EIF1AY: variants seen among roughly 807,000 people sequenced by gnomAD.
The protein encoded by EIF1AY is eukaryotic translation initiation factor 1A Y-linked.
For missense variants in EIF1AY, 19 were observed against 30.6 expected (o/e 0.62, Z 0.89); for synonymous variants, 16 against 9.9 (o/e 1.62, Z -1.16).
intron 2 of EIF1AY, among the ~76,000 whole-genome samples, chrY:20,581,766 CAT>C (rs2089350949): frequency 6.1e-5 from 2 of 33,040 alleles, no homozygotes; most frequent in African/African-American, 2.4e-4. Flanking sequence ...AGTTAGGCCT[CAT>C]GTGTGAGAGA....
Position 20,575,814 on chromosome Y carries a change from A to G in EIF1AY, c.-58A>G. 2.7e-6 allele frequency: 1 copy of G among 369,829 alleles called. No homozygotes were observed. The highest frequency in any genetic ancestry group is 3.8e-6 in the Non-Finnish European group (1 of 262,382). 92.3% of individuals were successfully genotyped at this position (369,829 alleles called of 400,897 possible). Reference sequence around the variant, plus strand: ...CTGCATCTTAGTTCAGTCGGCTCTTAGAGTAGTAACCGCCAGAAAGGAGTC... The same window carrying G: ...CTGCATCTTAGTTCAGTCGGCTCTTGGAGTAGTAACCGCCAGAAAGGAGTC... On this transcript the variant is annotated 5_prime_UTR_variant, in exon 1 of 7. Transcript: ENST00000361365.
At chrY:20,577,269 G>C (rs2089347356) in intron 1 of EIF1AY, among the ~76,000 whole-genome samples, 1 of 33,435 alleles carries the variant, frequency 3.0e-5, no homozygotes, top group African/African-American at 1.2e-4. Flanking sequence ...GCCTAAAAAT[G>C]TTCTCAATAA....
intron 1 of EIF1AY, among the ~76,000 whole-genome samples, chrY:20,576,720 G>T: frequency 6.0e-5 from 2 of 33,540 alleles, no homozygotes; most frequent in Non-Finnish European, 1.5e-4. Flanking sequence ...ACTCTGTTTA[G>T]ATTATTCCTT....
At chrY:20,585,793 A>AT (rs2089354075) in intron 4 of EIF1AY, among the ~76,000 whole-genome samples, 9 of 24,862 alleles carry the variant, frequency 3.6e-4, no homozygotes, top group African/African-American at 7.9e-4. Context: ...CAGGAATAGT[A>AT]TTTTTTTTTT....
intron 1 of EIF1AY, among the ~76,000 whole-genome samples, chrY:20,576,549 G>T (rs2089346957): frequency 3.0e-5 from 1 of 33,753 alleles, no homozygotes; most frequent in Non-Finnish European, 7.4e-5. Flanking sequence ...GTCTAACCTC[G>T]GTAGAACCCT....
intron 5 of EIF1AY, 25 bp downstream of exon 5, chrY:20,588,130 C>G: frequency 3.4e-6 from 1 of 295,859 alleles, no homozygotes; most frequent in Non-Finnish European, 5.1e-6. Context: ...ATTTTATCTC[C>G]TCATTATTTG....
At chrY:20,583,150 C>T (rs2089352108) in intron 3 of EIF1AY, among the ~76,000 whole-genome samples, 1 of 33,182 alleles carries the variant, frequency 3.0e-5, no homozygotes, top group African/African-American at 1.2e-4. Context: ...TTAGTAATAC[C>T]ACATCAGGTA....
At position 20,575,800 on chromosome Y, in the gene EIF1AY, T is replaced by C. The variant is rs2089346464; in HGVS notation, c.-72T>C. ...TGCGCACCCACCTGCTGCATCTTAG[T>C]TCAGTCGGCTCTTAGAGTAGTAACC... is the stretch of plus-strand genomic sequence containing the variant. On this transcript the variant is annotated 5_prime_UTR_variant, in exon 1 of 7. Coordinates refer to ENST00000361365, the MANE Select transcript of EIF1AY (RefSeq NM_004681.4). The C allele has an allele frequency of 5.0e-5, 17 of 343,114 alleles. No individual in the cohort carries two copies. Among genetic ancestry groups the C allele is most frequent in the Non-Finnish European group, 7.1e-5 (17 of 240,235 alleles). The allele number at this position is 343,114 out of a possible 400,897, so 85.6% of individuals were successfully genotyped here. A position where few individuals can be genotyped will look rare whatever the true frequency, so the allele number is the denominator to read the frequency against.
intron 6 of EIF1AY, among the ~76,000 whole-genome samples, chrY:20,590,102 G>C: frequency 3.2e-5 from 1 of 31,083 alleles, no homozygotes. Context: ...GAGAGAGAGA[G>C]AGAGAGAGAG....
intron 2 of EIF1AY, among the ~76,000 whole-genome samples, chrY:20,580,940 GT>G: frequency 3.0e-5 from 1 of 33,775 alleles, no homozygotes; most frequent in Non-Finnish European, 7.3e-5. Context: ...TTCCTGAAGA[GT>G]GCTAACCTCA....
At chrY:20,580,662 A>G (rs2089349950) in intron 2 of EIF1AY, among the ~76,000 whole-genome samples, 1 of 33,346 alleles carries the variant, frequency 3.0e-5, no homozygotes, top group South Asian at 6.5e-4. Flanking sequence ...ATCTGCATGT[A>G]TACACGTTTT....
chrY:20,583,041 G>T, intron 3 of EIF1AY, among the ~76,000 whole-genome samples: 1 of 33,136 alleles, frequency 3.0e-5, no homozygotes, highest in Non-Finnish European at 7.4e-5. Context: ...AAAAGAGATT[G>T]ATCGGTGCAT....
intron 1 of EIF1AY, among the ~76,000 whole-genome samples, chrY:20,576,901 G>C: frequency 3.0e-5 from 1 of 33,794 alleles, no homozygotes; most frequent in African/African-American, 1.2e-4. Flanking sequence ...CCCACTAACG[G>C]GTTGTGTGTA....
chrY:20,587,490 A>T, intron 4 of EIF1AY: 1 of 32,560 alleles, frequency 3.1e-5, no homozygotes, highest in Non-Finnish European at 7.5e-5. Flanking sequence ...GGGTTTCATC[A>T]TGTTAGCCAG....
chrY:20,587,361 T>C (rs2089355122), intron 4 of EIF1AY: 1 of 33,265 alleles, frequency 3.0e-5, no homozygotes, highest in Non-Finnish European at 7.4e-5. Context: ...TGATCTCGGC[T>C]CACTGCAAGC....
Position 20,592,323 on chromosome Y carries a change from T to C in EIF1AY, c.430-18T>C. The C allele has an allele frequency of 2.7e-6, 1 of 365,896 alleles. No homozygotes were observed. The highest frequency in any genetic ancestry group is 9.7e-5 in the East Asian group (1 of 10,306). 91.3% of individuals were successfully genotyped at this position (365,896 alleles called of 400,897 possible). On this transcript the variant is annotated intron_variant, in intron 6 of 6. Coordinates refer to ENST00000361365, the MANE Select transcript of EIF1AY (RefSeq NM_004681.4). ...AAGAGTTATTTTTCTATGGATCTGA[T>C]GTTCTTTTCAATTACAGATCTAAAT...
At position 20,575,858 on chromosome Y, in the gene EIF1AY, C is replaced by G; in HGVS notation, c.-14C>G. 2.6e-6 allele frequency: 1 copy of G among 384,695 alleles called. No homozygotes were observed. Among genetic ancestry groups the G allele is most frequent in the South Asian group, 3.2e-5 (1 of 31,661 alleles). On this transcript the variant is annotated 5_prime_UTR_variant, in exon 1 of 7. Transcript: ENST00000361365. ...AGGAGTCGGAAGAGGTCTCACGAGG[C>G]TGTCATCACCGCCATGCCCAAGAAT...
intron 3 of EIF1AY, among the ~76,000 whole-genome samples, chrY:20,583,643 A>G: frequency 3.0e-5 from 1 of 33,203 alleles, no homozygotes; most frequent in Non-Finnish European, 7.4e-5. Flanking sequence ...TCTTCTTTAA[A>G]AGCAAAAATC....
intron 1 of EIF1AY, 42 bp downstream of exon 1, chrY:20,575,929 G>T: frequency 2.7e-6 from 1 of 364,662 alleles, no homozygotes; most frequent in Non-Finnish European, 3.9e-6. Context: ...GGCTTGCTCT[G>T]CCAGTAACCC....
Sources: gnomAD v4.1 joint callset for allele counts (sites outside exome capture counted in the v4.1 genomes callset) on GRCh38, gnomAD v4.1.1 for gene constraint, MANE v1.5 for transcripts, NCBI Gene and HGNC (gene_info 2026-07-23, HGNC 2026-07-21) for gene names.